The following PRLR variants were observed in gnomAD, a reference collection of about 807,000 sequenced individuals.
The protein encoded by PRLR is prolactin receptor, also known as hPRL receptor.
PRLR carries 13 observed loss-of-function variants against 40.2 expected under a neutral mutation model. The ratio of observed to expected loss-of-function variants is 0.32; its 90% CI spans 0.21 to 0.51. The LOEUF (loss-of-function observed/expected upper bound fraction) is 0.51. PRLR is among the 20% of genes least tolerant of loss of function. The probability of loss-of-function intolerance (pLI) is 0.97; values close to 1 mark genes in which losing one functional copy is unlikely to be tolerated. For missense variants in PRLR, 656 were observed against 747.3 expected (o/e 0.88, Z 1.42); for synonymous variants, 269 against 278.7 (o/e 0.97, Z 0.35).
intron 1 of PRLR, among the ~76,000 whole-genome samples, chr5:35,188,055 CTT>C (rs1206227942): frequency 6.6e-6 from 1 of 152,174 alleles, no homozygotes; most frequent in Non-Finnish European, 1.5e-5. Flanking sequence ...TGTCAGCAAC[CTT>C]TTTTGTCAGG....
chr5:35,149,562 T>C (rs919940026), intron 1 of PRLR, among the ~76,000 whole-genome samples: 1 of 152,128 alleles, frequency 6.6e-6, no homozygotes, highest in Non-Finnish European at 1.5e-5. Flanking sequence ...CATTTTAAGG[T>C]GCACTTCAAA....
intron 1 of PRLR, among the ~76,000 whole-genome samples, chr5:35,191,516 C>A (rs1369586561): frequency 6.6e-6 from 1 of 152,160 alleles, no homozygotes; most frequent in Non-Finnish European, 1.5e-5. Flanking sequence ...CCTAAGTGTT[C>A]TCCATGTCAT....
intron 4 of PRLR, among the ~76,000 whole-genome samples, chr5:35,085,800 G>T (rs1467702154): frequency 6.6e-6 from 1 of 152,182 alleles, no homozygotes; most frequent in East Asian, 1.9e-4. Context: ...GGGGCCTCAG[G>T]CTGCAACCTA....
chr5:35,083,086 C>T (rs1770619665), intron 5 of PRLR, among the ~76,000 whole-genome samples: 1 of 151,638 alleles, frequency 6.6e-6, no homozygotes, highest in South Asian at 2.1e-4. Context: ...CACACACACA[C>T]ACACACACAC....
chr5:35,189,152 AG>A (rs1425651271), intron 1 of PRLR, among the ~76,000 whole-genome samples: 1 of 152,220 alleles, frequency 6.6e-6, no homozygotes, highest in Non-Finnish European at 1.5e-5. Context: ...CTGCAAGCCA[AG>A]TAACACTAAG....
chr5:35,131,453 T>C (rs1468776897), intron 1 of PRLR, among the ~76,000 whole-genome samples: 1 of 152,094 alleles, frequency 6.6e-6, no homozygotes, highest in Non-Finnish European at 1.5e-5. Flanking sequence ...GCTGGTCCAG[T>C]GGCAGTGGGC....
chr5:35,160,560 G>A (rs1429614480), intron 1 of PRLR, among the ~76,000 whole-genome samples: 1 of 152,218 alleles, frequency 6.6e-6, no homozygotes, highest in Non-Finnish European at 1.5e-5. Context: ...AGTCTATGGG[G>A]AGGAGAGGAG....
intron 1 of PRLR, among the ~76,000 whole-genome samples, chr5:35,217,205 G>T (rs1317165684): frequency 4.6e-5 from 7 of 152,162 alleles, no homozygotes; most frequent in African/African-American, 1.4e-4. Flanking sequence ...CTGAAAGTGG[G>T]TGTACATGCC....
At chr5:35,102,826 A>G (rs961213909) in intron 2 of PRLR, among the ~76,000 whole-genome samples, 1 of 152,058 alleles carries the variant, frequency 6.6e-6, no homozygotes, top group Admixed American at 6.5e-5. Flanking sequence ...TACAGGCGTG[A>G]GCTGCCACGC....
chr5:35,086,525 C>T (rs1000371816), intron 3 of PRLR, among the ~76,000 whole-genome samples, 185 bp from the exon 4 acceptor site: 1 of 151,958 alleles, frequency 6.6e-6, no homozygotes, highest in Admixed American at 6.5e-5. Context: ...GTGGGCTGCC[C>T]TGATGTTGGC....
Position 35,220,891 on chromosome 5 carries a change from A to G in PRLR, c.-106+9377T>C, listed in dbSNP as rs1604423. On this transcript the variant is annotated intron_variant, in intron 1 of 9. Transcript: ENST00000618457. ...AAAAACCTGGTTTCTTTTTGTTATT[A>G]ATACAACCTTCTGAGGATCGGTGTA... Among the ~76,000 whole-genome samples, 998 of 152,352 alleles carry G rather than the reference A, an allele frequency of 6.6e-3. 10 individuals carry two copies. The highest frequency in any genetic ancestry group is 0.023 in the African/African-American group (938 of 41,584).
chr5:35,191,556 G>C (rs1775608322), intron 1 of PRLR, among the ~76,000 whole-genome samples: 1 of 152,182 alleles, frequency 6.6e-6, no homozygotes, highest in Non-Finnish European at 1.5e-5. Flanking sequence ...CTGCTCTGCA[G>C]ATTTCAGCCA....
chr5:35,195,578 C>A (rs1775713676), intron 1 of PRLR: 1 of 152,208 alleles, frequency 6.6e-6, no homozygotes, highest in Non-Finnish European at 1.5e-5. Flanking sequence ...CTGGACACCT[C>A]ACCCACGCTT....
chr5:35,148,746 A>C (rs1433683383), intron 1 of PRLR, among the ~76,000 whole-genome samples: 3 of 152,152 alleles, frequency 2.0e-5, no homozygotes, highest in Admixed American at 6.5e-5. Context: ...TAATAGTTCA[A>C]ATCTTAATTT....
In PRLR at chr5:35,065,617, C is replaced by T. The variant is rs780472680; in HGVS notation, c.1341G>A (p.Pro447=). The change falls in exon 10 of 10, where the codon CCG becomes CCA. Residue 447 remains proline, a synonymous_variant. Coordinates refer to ENST00000618457, the MANE Select transcript of PRLR (RefSeq NM_000949.7). ...CELAVGPAGA[P]ATLLNEAGKD... ...TACCTGCTTCATTCAACAGAGTGGC[C>T]GGTGCACCTGCAGGGCCCACAGCCA... is the stretch of plus-strand genomic sequence containing the variant. 21 of 1,613,888 alleles carry T rather than the reference C, an allele frequency of 1.3e-5. No individual in the cohort carries two copies. In the African/African-American group the frequency reaches 1.3e-4, roughly 10 times the overall value.
intron 1 of PRLR, among the ~76,000 whole-genome samples, chr5:35,197,503 A>G (rs1775768627): frequency 6.6e-6 from 1 of 152,220 alleles, no homozygotes; most frequent in African/African-American, 2.4e-5. Flanking sequence ...AAGCTCAGCC[A>G]GATGTCATTC....
At chr5:35,119,807 G>A (rs1463478945) in intron 1 of PRLR, among the ~76,000 whole-genome samples, 2 of 152,298 alleles carry the variant, frequency 1.3e-5, no homozygotes, top group African/African-American at 2.4e-5. Flanking sequence ...AGGGGTCAGC[G>A]AGGGAGTGGA....
chr5:35,186,058 C>T lies in PRLR; in HGVS notation c.-106+44210G>A, dbSNP rs553407653. On this transcript the variant is annotated intron_variant, in intron 1 of 9. Transcript: ENST00000618457. ...ACAGCCTTTAAGTGCACACTGGGCA[C>T]GGGATGTACCACATAGACCCTCGCC... Among the ~76,000 whole-genome samples the T allele has an allele frequency of 1.4e-4, 22 of 152,134 alleles. No homozygotes were observed. The South Asian group carries it at 2.9e-3, about 20-fold the overall frequency.
chr5:35,181,584 A>C (rs1000314254), intron 1 of PRLR, among the ~76,000 whole-genome samples: 1 of 152,218 alleles, frequency 6.6e-6, no homozygotes, highest in Non-Finnish European at 1.5e-5. Context: ...TGCCATATCC[A>C]ATTTTCATAA....
Sources: allele counts gnomAD v4.1 joint callset (sites outside exome capture counted in the v4.1 genomes callset), GRCh38; gene constraint gnomAD v4.1.1; transcripts MANE v1.5; gene names NCBI Gene and HGNC (gene_info 2026-07-23, HGNC 2026-07-21).